Variants in KIF18A observed in about 807,000 individuals in gnomAD.
The protein encoded by KIF18A is kinesin-like protein KIF18A.
KIF18A carries 67 observed loss-of-function variants against 103.3 expected under a neutral mutation model. That is an observed-to-expected ratio of 0.65 (90% confidence interval 0.53 to 0.79). KIF18A has a LOEUF of 0.79. Ranked by LOEUF, KIF18A falls within the 30% of genes least tolerant of loss-of-function variation. The pLI is 0.00. For synonymous variants in KIF18A, 367 were observed against 355.5 expected (o/e 1.03, Z -0.36); for missense variants, 1,032 against 1,062.5 (o/e 0.97, Z 0.40).
At chr11:28,094,440 G>T (rs1851341394) in intron 3 of KIF18A, among the ~76,000 whole-genome samples, 1 of 150,538 alleles carries the variant, frequency 6.6e-6, no homozygotes, top group Non-Finnish European at 1.5e-5. Flanking sequence ...TTGTACTATT[G>T]TTGCAACTTC....
intron 1 of KIF18A, among the ~76,000 whole-genome samples, chr11:28,105,977 C>G (rs966238807): frequency 2.6e-5 from 4 of 152,152 alleles, no homozygotes; most frequent in African/African-American, 9.7e-5. Context: ...GGATAAGTAA[C>G]TTTTCCAAGA....
At chr11:28,095,045 A>G (rs1851351673) in intron 2 of KIF18A, among the ~76,000 whole-genome samples, 1 of 152,104 alleles carries the variant, frequency 6.6e-6, no homozygotes, top group African/African-American at 2.4e-5. Flanking sequence ...TACTCTTTCA[A>G]AGCAATCTTA....
chr11:28,084,414 T>A (rs1851201128), intron 7 of KIF18A: 1 of 87,168 alleles, frequency 1.1e-5, no homozygotes, highest in Non-Finnish European at 2.1e-5. Flanking sequence ...AAAGATCGAA[T>A]AATAGTATCT....
At chr11:28,090,803 AC>A in intron 4 of KIF18A, 76 bp from the exon 5 acceptor site, 1 of 733,488 alleles carries the variant, frequency 1.4e-6, no homozygotes, top group East Asian at 2.6e-5. Context: ...TGTTCAAAAA[AC>A]AAAAAGATTT....
chr11:28,087,589 G>A (rs183440239), intron 6 of KIF18A, among the ~76,000 whole-genome samples: 246 of 152,146 alleles, frequency 1.6e-3, no homozygotes, highest in Non-Finnish European at 3.0e-3. Context: ...ATAATTCTTT[G>A]GGCGTATATA....
In KIF18A at chr11:28,051,578, G is replaced by A. The variant is rs559807845; in HGVS notation, c.1948+7348C>T. ...GAAAGGCCTTTTGAGGAAAGATCCC[G>A]AAGGCAGTAAGAGAGAGAAAAAAGC... is the stretch of plus-strand genomic sequence containing the variant. On this transcript the variant is annotated intron_variant, in intron 13 of 16. Coordinates refer to ENST00000263181, the MANE Select transcript of KIF18A (RefSeq NM_031217.4). Among the ~76,000 whole-genome samples, 329 of 151,996 alleles carry A rather than the reference G, an allele frequency of 2.2e-3. 4 individuals carry two copies. The highest frequency in any genetic ancestry group is 7.7e-3 in the African/African-American group (318 of 41,504).
chr11:28,053,764 A>G (rs1850742282), intron 13 of KIF18A, among the ~76,000 whole-genome samples: 1 of 152,102 alleles, frequency 6.6e-6, no homozygotes, highest in Non-Finnish European at 1.5e-5. Context: ...GGGTGGAGGA[A>G]AGCAGATGGG....
Position 28,033,980 on chromosome 11 carries a change from C to T in KIF18A, c.2504+1407G>A, listed in dbSNP as rs180901306. Among the ~76,000 whole-genome samples the T allele has an allele frequency of 2.1e-3, 326 of 151,632 alleles. 2 individuals carry two copies. Among genetic ancestry groups the T allele is most frequent in the African/African-American group, 6.7e-3 (277 of 41,438 alleles). The stretch of plus-strand genomic sequence containing the variant: ...CACCCCCTAATATATACACCTACTA[C>T]GTACCCACAAAAATAAAAAGTAAAA... On this transcript the variant is annotated intron_variant, in intron 15 of 16. Coordinates refer to ENST00000263181, the MANE Select transcript of KIF18A (RefSeq NM_031217.4).
chr11:28,071,524 TA>T (rs1851014242), intron 10 of KIF18A, among the ~76,000 whole-genome samples: 1 of 149,556 alleles, frequency 6.7e-6, no homozygotes, highest in South Asian at 2.1e-4. Context: ...TATTTACAAT[TA>T]AGCTATTATT....
chr11:28,053,237 CTT>C lies in KIF18A; in HGVS notation c.1948+5687_1948+5688del, dbSNP rs1850734257. Among the ~76,000 whole-genome samples, 3 of 152,214 alleles carry C rather than the reference CTT, an allele frequency of 2.0e-5. No individual in the cohort carries two copies. The South Asian group carries it at 6.2e-4, about 32-fold the overall frequency. On this transcript the variant is annotated intron_variant, in intron 13 of 16. Transcript: ENST00000263181. ...TGATGACATTTTTCTTTTATACACA[CTT>C]GATGTAAATGGAAGAAATGATGTGC...
chr11:28,050,398 A>C (rs1373723679), intron 13 of KIF18A, among the ~76,000 whole-genome samples: 1 of 151,840 alleles, frequency 6.6e-6, no homozygotes, highest in Non-Finnish European at 1.5e-5. Flanking sequence ...GTTTATTAAC[A>C]TTTTCCTGCT....
chr11:28,049,100 T>C lies in KIF18A; in HGVS notation c.1948+9826A>G, dbSNP rs1210415126. 2.6e-5 allele frequency among the ~76,000 whole-genome samples: 4 copies of C among 152,092 alleles called. 1 individual carries two copies. In the South Asian group the frequency reaches 8.3e-4, roughly 31 times the overall value. Reference sequence around the variant, plus strand: ...GAGACAAGAGAAATTAAAACTAGTTTAGATGTCACTATATTATTCATTTCT... The same window carrying C: ...GAGACAAGAGAAATTAAAACTAGTTCAGATGTCACTATATTATTCATTTCT... On this transcript the variant is annotated intron_variant, in intron 13 of 16. Transcript: ENST00000263181.
At chr11:28,105,490 G>A (rs1205254514) in intron 1 of KIF18A, among the ~76,000 whole-genome samples, 5 of 152,088 alleles carry the variant, frequency 3.3e-5, no homozygotes, top group Admixed American at 3.3e-4. Flanking sequence ...TATACACAAT[G>A]GAATGATTAC....
In KIF18A at chr11:28,068,479, C is replaced by CAA. The variant is rs59494887; in HGVS notation, c.1590+778_1590+779dup. ...TCCAATACTGTTCAGAGTAATTATG[C>CAA]AAAAAAAAAAAAAGACAATCTTTTC... On this transcript the variant is annotated intron_variant, in intron 11 of 16. Transcript: ENST00000263181. Among the ~76,000 whole-genome samples, 227 of 118,300 alleles carry CAA rather than the reference C, an allele frequency of 1.9e-3. 1 individual carries two copies. Among genetic ancestry groups the CAA allele is most frequent in the African/African-American group, 5.9e-3 (193 of 32,510 alleles). 77.6% of individuals were successfully genotyped at this position (118,300 alleles called of 152,430 possible).
At chr11:28,035,098 T>A (rs1850466912) in intron 15 of KIF18A, among the ~76,000 whole-genome samples, 2 of 151,734 alleles carry the variant, frequency 1.3e-5, no homozygotes, top group African/African-American at 4.8e-5. Flanking sequence ...AAGTAAAAAT[T>A]GTCACCCCAG....
At chr11:28,098,842 CAAAACAA>C (rs1851408838) in intron 1 of KIF18A, among the ~76,000 whole-genome samples, 1 of 150,420 alleles carries the variant, frequency 6.6e-6, no homozygotes, top group Non-Finnish European at 1.5e-5. Context: ...ACCCAAAAAC[CAAAACAA>C]AAAAACAAAC....
At chr11:28,045,200 TTGAC>T (rs1850615644) in intron 13 of KIF18A, among the ~76,000 whole-genome samples, 2 of 152,156 alleles carry the variant, frequency 1.3e-5, no homozygotes, top group Admixed American at 1.3e-4. Context: ...GTTTGATAAA[TTGAC>T]TGCCTATACC....
intron 13 of KIF18A, among the ~76,000 whole-genome samples, chr11:28,046,739 G>GAAAAAAAAAA (rs11431907): frequency 7.6e-6 from 1 of 131,496 alleles, no homozygotes. Context: ...GAAATTAAAT[G>GAAAAAAAAAA]AAAAAAAAAA....
At chr11:28,102,523 G>C (rs908468007) in intron 1 of KIF18A, among the ~76,000 whole-genome samples, 1 of 152,160 alleles carries the variant, frequency 6.6e-6, no homozygotes, top group Non-Finnish European at 1.5e-5. Flanking sequence ...TGAGGGCTGA[G>C]TCATGGGCCA....
Sources: allele counts gnomAD v4.1 joint callset (sites outside exome capture counted in the v4.1 genomes callset), GRCh38; gene constraint gnomAD v4.1.1; transcripts MANE v1.5; gene names NCBI Gene and HGNC (gene_info 2026-07-23, HGNC 2026-07-21).